The following RBFOX1 variants were observed in gnomAD, a reference collection of about 807,000 sequenced individuals.
RBFOX1 encodes RNA binding fox-1 homolog 1.
Under a neutral mutation model 57.7 loss-of-function variants are expected in RBFOX1, and 8 were observed. The ratio of observed to expected loss-of-function variants is 0.14; its 90% CI spans 0.08 to 0.25. The LOEUF (loss-of-function observed/expected upper bound fraction) is 0.25, where lower values mean the gene tolerates loss of function less well. Ranked by LOEUF, RBFOX1 falls within the 10% of genes least tolerant of loss-of-function variation. The pLI is 1.00. For synonymous variants in RBFOX1, 326 were observed against 222.4 expected (o/e 1.47, Z -4.15); for missense variants, 611 against 548.5 (o/e 1.11, Z -1.14).
At chr16:7,423,619 T>C (rs1169233777) in intron 4 of RBFOX1, among the ~76,000 whole-genome samples, 1 of 151,650 alleles carries the variant, frequency 6.6e-6, no homozygotes, top group East Asian at 1.9e-4. Flanking sequence ...CACAGGGGAG[T>C]GGTTTGCAAT....
intron 1 of RBFOX1, among the ~76,000 whole-genome samples, chr16:5,392,397 C>T (rs1461969241): frequency 6.6e-6 from 1 of 152,086 alleles, no homozygotes; most frequent in Non-Finnish European, 1.5e-5. Flanking sequence ...CAAATAAAGT[C>T]GCATTCATTG....
chr16:7,628,706 G>A (rs1011194603), intron 10 of RBFOX1, among the ~76,000 whole-genome samples: 2 of 152,026 alleles, frequency 1.3e-5, no homozygotes, highest in African/African-American at 4.8e-5. Flanking sequence ...TCCACCTCCT[G>A]GGTTCAAGTG....
intron 4 of RBFOX1, among the ~76,000 whole-genome samples, chr16:7,131,288 G>A (rs1318325609): frequency 6.8e-6 from 1 of 147,646 alleles, no homozygotes; most frequent in African/African-American, 2.5e-5. Flanking sequence ...GGAGGTTGCA[G>A]TGAGCCAAGA....
At chr16:7,125,207 G>A (rs1231459875) in intron 4 of RBFOX1, among the ~76,000 whole-genome samples, 3 of 152,208 alleles carry the variant, frequency 2.0e-5, no homozygotes, top group Admixed American at 2.0e-4. Flanking sequence ...ACTGTCTTGA[G>A]TTCAGATCCC....
intron 3 of RBFOX1, among the ~76,000 whole-genome samples, chr16:6,802,734 G>A (rs1220105561): frequency 6.6e-6 from 1 of 152,234 alleles, no homozygotes; most frequent in Non-Finnish European, 1.5e-5. Flanking sequence ...TATTCATTTC[G>A]GCAAAAGCCA....
chr16:6,243,410 A>G (rs1043614748), intron 1 of RBFOX1, among the ~76,000 whole-genome samples: 9 of 152,162 alleles, frequency 5.9e-5, no homozygotes, highest in Admixed American at 4.6e-4. Context: ...AATGCCTGTT[A>G]TAAGTGCACT....
chr16:5,774,078 T>C (rs906940880), intron 3 of RBFOX1, among the ~76,000 whole-genome samples: 2 of 152,208 alleles, frequency 1.3e-5, no homozygotes, highest in Admixed American at 1.3e-4. Context: ...ATGTGATGTC[T>C]GCTTTATATG....
intron 2 of RBFOX1, among the ~76,000 whole-genome samples, chr16:5,590,216 C>T (rs530462047): frequency 3.3e-5 from 5 of 152,164 alleles, no homozygotes; most frequent in Non-Finnish European, 7.4e-5. Flanking sequence ...CATAGTCAGT[C>T]AAATAAATTG....
chr16:7,450,707 C>T (rs752412566), intron 4 of RBFOX1, among the ~76,000 whole-genome samples: 8 of 152,086 alleles, frequency 5.3e-5, no homozygotes, highest in Non-Finnish European at 7.4e-5. Flanking sequence ...ACCTACTGGG[C>T]GCCAGGCATG....
chr16:6,788,512 G>C (rs1397972605), intron 3 of RBFOX1, among the ~76,000 whole-genome samples: 1 of 151,002 alleles, frequency 6.6e-6, no homozygotes, highest in Non-Finnish European at 1.5e-5. Context: ...CTCTTGCTCT[G>C]TCGCCCACGC....
In RBFOX1 at chr16:5,510,054, C is replaced by A. The variant is rs543839209; in HGVS notation, c.258+42800C>A. Among the ~76,000 whole-genome samples, 3 of 152,320 alleles carry A rather than the reference C, an allele frequency of 2.0e-5. No homozygotes were observed. The East Asian group carries it at 5.8e-4, about 29-fold the overall frequency. On this transcript the variant is annotated intron_variant, in intron 2 of 2. Transcript: ENST00000585867. ...GCGCGTCAGTTCTGATGCTCCTTTG[C>A]CTCCTTTGGAGAATGGGCCCACAGC... is the stretch of plus-strand genomic sequence containing the variant.
chr16:6,211,731 C>G (rs2097299236), intron 1 of RBFOX1, among the ~76,000 whole-genome samples: 1 of 152,144 alleles, frequency 6.6e-6, no homozygotes, highest in East Asian at 1.9e-4. Flanking sequence ...TACACTGGGT[C>G]TTGTAATTGT....
At chr16:5,635,275 T>C (rs909818190) in intron 3 of RBFOX1, among the ~76,000 whole-genome samples, 1 of 152,218 alleles carries the variant, frequency 6.6e-6, no homozygotes, top group African/African-American at 2.4e-5. Flanking sequence ...ATTGAATAAA[T>C]AATTTACATT....
intron 4 of RBFOX1, among the ~76,000 whole-genome samples, chr16:7,151,093 T>C (rs997930746): frequency 6.6e-6 from 1 of 152,206 alleles, no homozygotes; most frequent in Admixed American, 6.5e-5. Context: ...TATTCTACTT[T>C]CAGGAACTGT....
chr16:6,278,377 C>CA (rs57523660), intron 1 of RBFOX1, among the ~76,000 whole-genome samples: 540 of 28,060 alleles, frequency 0.019, 147 homozygotes, highest in African/African-American at 0.032. Context: ...TAGGACTCAC[C>CA]AAAAAAAAAA....
chr16:7,403,707 A>G (rs889562275), intron 4 of RBFOX1, among the ~76,000 whole-genome samples: 1 of 151,196 alleles, frequency 6.6e-6, no homozygotes, highest in African/African-American at 2.4e-5. Context: ...CCACTACTCC[A>G]TGTGAATTTT....
Position 7,376,593 on chromosome 16 carries a change from G to A in RBFOX1, c.28-141554G>A, listed in dbSNP as rs529207428. Among the ~76,000 whole-genome samples, 2 of 152,260 alleles carry A rather than the reference G, an allele frequency of 1.3e-5. 1 individual carries two copies. Among genetic ancestry groups the A allele is most frequent in the South Asian group, 4.1e-4 (2 of 4,822 alleles). ...TTAGACCTCCAGCTAACTACCAGGG[G>A]ATGTCATGTTATGTAATTAATTACA... On this transcript the variant is annotated intron_variant, in intron 4 of 15. Coordinates refer to ENST00000550418, the MANE Select transcript of RBFOX1 (RefSeq NM_018723.4).
At chr16:6,280,744 G>A (rs1275415633) in intron 1 of RBFOX1, among the ~76,000 whole-genome samples, 3 of 151,992 alleles carry the variant, frequency 2.0e-5, no homozygotes, top group African/African-American at 4.8e-5. Context: ...GTTTATACCG[G>A]TCATTACATA....
Position 6,954,367 on chromosome 16 carries a change from C to T in RBFOX1, c.-15-97690C>T, listed in dbSNP as rs555247861. The stretch of plus-strand genomic sequence containing the variant: ...ATAGTTACAATAACGGTCTTCCATC[C>T]ATTAGTAGTTCCGGCATGCATAGAT... On this transcript the variant is annotated intron_variant, in intron 3 of 15. Transcript: ENST00000550418. Among the ~76,000 whole-genome samples the T allele has an allele frequency of 9.1e-4, 138 of 152,188 alleles. 1 individual carries two copies. The highest frequency in any genetic ancestry group is 3.3e-3 in the African/African-American group (136 of 41,514).
Sources: allele counts gnomAD v4.1 joint callset (sites outside exome capture counted in the v4.1 genomes callset), GRCh38; gene constraint gnomAD v4.1.1; transcripts MANE v1.5; gene names NCBI Gene and HGNC (gene_info 2026-07-23, HGNC 2026-07-21).